Variants in RAB38 observed in about 807,000 individuals in gnomAD.
The protein encoded by RAB38 is ras-related protein Rab-38.
A neutral mutation model predicts 18.4 loss-of-function variants in RAB38; 15 were observed. The ratio of observed to expected loss-of-function variants is 0.82; its 90% CI spans 0.55 to 1.26. RAB38 has a LOEUF of 1.26. RAB38 is among the 50% of genes most tolerant of loss of function. RAB38 has a pLI of 0.00. For missense variants in RAB38, 294 were observed against 267.4 expected (o/e 1.10, Z -0.69); for synonymous variants, 101 against 104.4 (o/e 0.97, Z 0.20).
chr11:88,111,513 A>C (rs575297690), downstream of RAB38, among the ~76,000 whole-genome samples: 5 of 152,290 alleles, frequency 3.3e-5, no homozygotes, highest in South Asian at 8.3e-4. Flanking sequence ...ATTATGGAAA[A>C]CCTGAAGTTC....
the RAB38 span, among the ~76,000 whole-genome samples, chr11:87,864,158 T>G: frequency 6.6e-6 from 1 of 151,868 alleles, no homozygotes; most frequent in Middle Eastern, 3.4e-3. Flanking sequence ...CATAGGTAGA[T>G]ATGTGGACAT....
the RAB38 span, among the ~76,000 whole-genome samples, chr11:88,101,087 T>G: frequency 1.3e-5 from 2 of 151,966 alleles, no homozygotes; most frequent in African/African-American, 4.8e-5. Context: ...TTCATGTATT[T>G]ATCACTCCCT....
At position 88,159,199 on chromosome 11, in the gene RAB38, C is replaced by CAATAAATAAATAAATA. The variant is rs58379713; in HGVS notation, c.203-9260_203-9245dup. Among the ~76,000 whole-genome samples the CAATAAATAAATAAATA allele has an allele frequency of 5.5e-3, 777 of 142,332 alleles. 6 individuals are homozygous for CAATAAATAAATAAATA. Among genetic ancestry groups the CAATAAATAAATAAATA allele is most frequent in the African/African-American group, 9.9e-3 (383 of 38,588 alleles). The allele number at this position is 142,332 out of a possible 152,430, so 93.4% of individuals were successfully genotyped here. On this transcript the variant is annotated intron_variant, in intron 1 of 2. Coordinates refer to ENST00000243662, the MANE Select transcript of RAB38 (RefSeq NM_022337.3). ...AACACAATCCCATTTACAATAGCAG[C>CAATAAATAAATAAATA]AATAAATAAATAAATAAATAAATAA...
chr11:87,941,569 C>A, the RAB38 span, among the ~76,000 whole-genome samples: 2 of 151,994 alleles, frequency 1.3e-5, no homozygotes, highest in Non-Finnish European at 2.9e-5. Context: ...CCTTCATTTT[C>A]ATTTCCCAAG....
At chr11:87,807,641 G>C in the RAB38 span, among the ~76,000 whole-genome samples, 1 of 152,332 alleles carries the variant, frequency 6.6e-6, no homozygotes, top group Admixed American at 6.5e-5. Flanking sequence ...TATCATAATG[G>C]TAGGTGGTAG....
the RAB38 span, among the ~76,000 whole-genome samples, chr11:88,023,650 G>A: frequency 1.8e-3 from 270 of 152,084 alleles, 1 homozygote; most frequent in African/African-American, 6.2e-3. Context: ...TTCAAATTGT[G>A]CTACAGAGCT....
chr11:87,909,956 C>T, the RAB38 span, among the ~76,000 whole-genome samples: 2 of 151,986 alleles, frequency 1.3e-5, no homozygotes, highest in South Asian at 4.1e-4. Flanking sequence ...ACGGTAGGTA[C>T]ACATTAAGCT....
In RAB38 at chr11:88,173,715, A is replaced by AT. The variant is rs796306257; in HGVS notation, c.202+1467dup. ...TGCAGCAAGAAAGTACACAGAGAGA[A>AT]TTTTTTTAGATGAAAAGCCCCATCC... is the stretch of plus-strand genomic sequence containing the variant. On this transcript the variant is annotated intron_variant, in intron 1 of 2. Transcript: ENST00000243662. The AT allele has an allele frequency of 6.1e-6, 6 of 979,798 alleles. No homozygotes were observed. The African/African-American group carries it at 8.7e-5, about 14-fold the overall frequency. The allele number at this position is 979,798 out of a possible 1,614,324, so 60.7% of individuals were successfully genotyped here. A position where few individuals can be genotyped will look rare whatever the true frequency, so the allele number is the denominator to read the frequency against.
chr11:88,156,470 G>A (rs557074647), intron 1 of RAB38, among the ~76,000 whole-genome samples: 57 of 152,282 alleles, frequency 3.7e-4, no homozygotes, highest in African/African-American at 1.3e-3. Context: ...TTGGGAGGCC[G>A]AGGCAGGCGG....
At chr11:88,066,767 T>C in the RAB38 span, among the ~76,000 whole-genome samples, 2 of 152,194 alleles carry the variant, frequency 1.3e-5, no homozygotes, top group Non-Finnish European at 2.9e-5. Flanking sequence ...TAACATTAGG[T>C]TTTTCCTCTC....
chr11:87,925,117 C>A, the RAB38 span, among the ~76,000 whole-genome samples: 1 of 151,960 alleles, frequency 6.6e-6, no homozygotes, highest in Admixed American at 6.6e-5. Flanking sequence ...ACTAGAAAAC[C>A]AGAACAAGGG....
At chr11:88,153,403 T>A (rs1943086807) in intron 1 of RAB38, among the ~76,000 whole-genome samples, 1 of 152,134 alleles carries the variant, frequency 6.6e-6, no homozygotes, top group African/African-American at 2.4e-5. Flanking sequence ...TCTAACTCCC[T>A]CCTCACTCCT....
chr11:88,050,964 G>A, the RAB38 span, among the ~76,000 whole-genome samples: 3 of 152,166 alleles, frequency 2.0e-5, no homozygotes, highest in Admixed American at 1.3e-4. Flanking sequence ...CAGCAAAGGA[G>A]GGCTGGAATT....
chr11:87,840,505 T>C, the RAB38 span, among the ~76,000 whole-genome samples: 13 of 152,282 alleles, frequency 8.5e-5, no homozygotes, highest in South Asian at 2.1e-3. Flanking sequence ...GTAACACAGG[T>C]CCTACACACA....
the RAB38 span, among the ~76,000 whole-genome samples, chr11:87,965,879 C>T: frequency 2.0e-5 from 3 of 152,066 alleles, no homozygotes; most frequent in Non-Finnish European, 4.4e-5. Flanking sequence ...CAGCTTTGAC[C>T]TCAAGCAAGT....
chr11:87,975,840 T>C, the RAB38 span, among the ~76,000 whole-genome samples: 1 of 151,452 alleles, frequency 6.6e-6, no homozygotes, highest in Non-Finnish European at 1.5e-5. Context: ...ATATCAAGAC[T>C]GACCAAAGAA....
At chr11:87,805,365 T>C in the RAB38 span, among the ~76,000 whole-genome samples, 1 of 152,068 alleles carries the variant, frequency 6.6e-6, no homozygotes, top group Non-Finnish European at 1.5e-5. Context: ...TTATTCTCTT[T>C]ATCATTTTCA....
chr11:88,074,134 G>A, the RAB38 span, among the ~76,000 whole-genome samples: 1 of 151,944 alleles, frequency 6.6e-6, no homozygotes, highest in African/African-American at 2.4e-5. Context: ...TAACAGAAAT[G>A]TTTCCAAAGC....
At chr11:88,172,519 T>A (rs1943321527) in intron 1 of RAB38, among the ~76,000 whole-genome samples, 1 of 152,104 alleles carries the variant, frequency 6.6e-6, no homozygotes, top group East Asian at 1.9e-4. Flanking sequence ...ACAGTGCAGG[T>A]CTTCTCTATC....
Sources: allele counts gnomAD v4.1 joint callset (sites outside exome capture counted in the v4.1 genomes callset), GRCh38; gene constraint gnomAD v4.1.1; transcripts MANE v1.5; gene names NCBI Gene and HGNC (gene_info 2026-07-23, HGNC 2026-07-21).